The following GSE1 variants were observed in gnomAD, a reference collection of about 807,000 sequenced individuals.
The protein encoded by GSE1 is Gse1 coiled-coil protein.
GSE1 carries 32 observed loss-of-function variants against 112.6 expected under a neutral mutation model. That is an observed-to-expected ratio of 0.28 (90% CI 0.21 to 0.38). GSE1 has a LOEUF of 0.38. GSE1 is among the 10% of genes least tolerant of loss of function. GSE1 has a pLI of 1.00. For missense variants in GSE1, 2,348 were observed against 1,699.2 expected, an observed-to-expected ratio of 1.38 and a Z score of -6.71; for synonymous variants, 1,115 against 735.6, an observed-to-expected ratio of 1.52 and a Z score of -8.35.
intron 1 of GSE1, among the ~76,000 whole-genome samples, chr16:85,292,932 T>G (rs2045264667): frequency 6.6e-6 from 1 of 152,246 alleles, no homozygotes; most frequent in Non-Finnish European, 1.5e-5. Flanking sequence ...TAAATTGCTT[T>G]ATTTTTTATT....
chr16:85,590,812 G>A (rs574034623), intron 1 of GSE1, among the ~76,000 whole-genome samples: 1 of 152,342 alleles, frequency 6.6e-6, no homozygotes, highest in East Asian at 1.9e-4. Context: ...GTGACCCTCC[G>A]CAGCTCACTC....
intron 1 of GSE1, chr16:85,556,442 C>A: frequency 1.7e-6 from 1 of 603,710 alleles, no homozygotes; most frequent in Non-Finnish European, 2.1e-6. Context: ...CCCCCCTCCG[C>A]CAGACCCCCG....
At chr16:85,200,733 G>A (rs541271957) in intron 1 of GSE1, among the ~76,000 whole-genome samples, 1 of 152,290 alleles carries the variant, frequency 6.6e-6, no homozygotes, top group East Asian at 1.9e-4. Flanking sequence ...AATTTTTGTC[G>A]TGCTAAGATG....
intron 1 of GSE1, among the ~76,000 whole-genome samples, chr16:85,180,751 C>A (rs2074566851): frequency 6.6e-6 from 1 of 152,192 alleles, no homozygotes; most frequent in Non-Finnish European, 1.5e-5. Flanking sequence ...CACACCCATC[C>A]TGAATGGGAA....
At chr16:85,231,792 CTG>C (rs1904289123) in intron 1 of GSE1, among the ~76,000 whole-genome samples, 2 of 152,208 alleles carry the variant, frequency 1.3e-5, no homozygotes, top group Non-Finnish European at 2.9e-5. Flanking sequence ...GCTCTTTTCT[CTG>C]TGTCAGAATT....
At chr16:85,426,402 G>A (rs1483795761) in intron 2 of GSE1, among the ~76,000 whole-genome samples, 1 of 140,302 alleles carries the variant, frequency 7.1e-6, no homozygotes, top group Admixed American at 7.3e-5. Flanking sequence ...GTGAATGAAT[G>A]TGGATGGATG....
At chr16:85,316,339 T>A (rs1039576649) in intron 1 of GSE1, among the ~76,000 whole-genome samples, 11 of 152,250 alleles carry the variant, frequency 7.2e-5, no homozygotes, top group African/African-American at 2.7e-4. Context: ...TCCTATCAAG[T>A]CTTCAGAATC....
rs368055169 is a variant in GSE1, at chr16:85,661,463, C to A, written c.1958C>A (p.Pro653Gln). 1.9e-6 allele frequency: 3 copies of A among 1,611,608 alleles called. No homozygotes were observed. The highest frequency in any genetic ancestry group is 2.5e-6 in the Non-Finnish European group (3 of 1,179,344). ...PAPLDKYQPP[P>Q]PPPREGGSLE... ...CCTCTGGACAAGTACCAGCCACCTC[C>A]GCCGCCACCACGAGAGGGAGGGAGC... is the stretch of plus-strand genomic sequence containing the variant. Residue 653 changes from proline to glutamine, a missense_variant, in exon 9 of 16, where the codon CCG becomes CAG. Physicochemically the swap from Pro to Gln is moderately conservative, Grantham distance 76 (BLOSUM62 -1). Transcript: ENST00000253458.
At chr16:85,624,119 G>A (rs1373868473) in intron 1 of GSE1, among the ~76,000 whole-genome samples, 1 of 152,204 alleles carries the variant, frequency 6.6e-6, no homozygotes, top group Admixed American at 6.5e-5. Context: ...TCTTCCTGCT[G>A]GCCCATGCCC....
At chr16:85,229,085 T>G (rs1406102622) in intron 1 of GSE1, among the ~76,000 whole-genome samples, 3 of 152,224 alleles carry the variant, frequency 2.0e-5, no homozygotes, top group African/African-American at 7.2e-5. Flanking sequence ...TGGGGAGTTG[T>G]GGAGCACAGC....
chr16:85,349,155 A>C (rs1296495738), intron 1 of GSE1, among the ~76,000 whole-genome samples: 1 of 152,152 alleles, frequency 6.6e-6, no homozygotes, highest in Non-Finnish European at 1.5e-5. Context: ...TCGCCAGCGC[A>C]CATTTAATAA....
chr16:85,598,119 A>G (rs934629456), intron 1 of GSE1, among the ~76,000 whole-genome samples: 5 of 148,592 alleles, frequency 3.4e-5, no homozygotes, highest in African/African-American at 7.5e-5. Context: ...GTGTGCAGGC[A>G]TCGGCGTTTT....
At chr16:85,590,509 ATGAG>A (rs1188589998) in intron 1 of GSE1, among the ~76,000 whole-genome samples, 2 of 115,370 alleles carry the variant, frequency 1.7e-5, no homozygotes, top group South Asian at 6.0e-4. Context: ...CTGTGTGTGA[ATGAG>A]TGTGTGTGTG....
upstream of GSE1, among the ~76,000 whole-genome samples, chr16:85,551,921 C>G (rs1464689467): frequency 6.6e-6 from 1 of 152,264 alleles, no homozygotes; most frequent in South Asian, 2.1e-4. Context: ...GGCATGCCCA[C>G]TCTTCTCTGG....
At chr16:85,416,807 G>C (rs935294556) in intron 2 of GSE1, among the ~76,000 whole-genome samples, 2 of 152,202 alleles carry the variant, frequency 1.3e-5, no homozygotes, top group Non-Finnish European at 2.9e-5. Flanking sequence ...TAGCCCTGTG[G>C]AGTTTTTTGT....
At chr16:85,213,615 A>G (rs1443729060) in intron 1 of GSE1, among the ~76,000 whole-genome samples, 1 of 152,242 alleles carries the variant, frequency 6.6e-6, no homozygotes, top group Non-Finnish European at 1.5e-5. Flanking sequence ...CACGGATTGC[A>G]ACAGCCAGCC....
rs75778557 is a variant in GSE1 at position 85,502,691 on chromosome 16, G to T, written c.2465-131223G>T. ...CAGGGTCAGAGGCAAGGCTACCGCC[G>T]ACCTGCAGGGGAGCCTGGGGTCAAG... On this transcript the variant is annotated intron_variant, in intron 2 of 2. Coordinates refer to the GSE1 transcript ENST00000637419. Among the ~76,000 whole-genome samples the T allele has an allele frequency of 1.0e-3, 159 of 152,340 alleles. No homozygotes were observed. In the East Asian group the frequency reaches 0.025, roughly 24 times the overall value.
At chr16:85,375,081 C>T (rs1228493131) in intron 2 of GSE1, among the ~76,000 whole-genome samples, 2 of 152,200 alleles carry the variant, frequency 1.3e-5, no homozygotes, top group Non-Finnish European at 2.9e-5. Flanking sequence ...TGCTGCCGGC[C>T]ATCAAGGGGA....
chr16:85,550,681 A>C (rs966727480), intron 2 of GSE1, among the ~76,000 whole-genome samples: 1 of 152,128 alleles, frequency 6.6e-6, no homozygotes, highest in Non-Finnish European at 1.5e-5. Flanking sequence ...CTGCAGCCTC[A>C]GTTTTCCCAG....
Sources: gnomAD v4.1 joint callset for allele counts (sites outside exome capture counted in the v4.1 genomes callset) on GRCh38, gnomAD v4.1.1 for gene constraint, MANE v1.5 for transcripts, NCBI Gene and HGNC (gene_info 2026-07-23, HGNC 2026-07-21) for gene names.